Variants in SV2B observed in about 807,000 individuals in gnomAD.
SV2B encodes the protein synaptic vesicle glycoprotein 2B.
Under a neutral mutation model 73.9 loss-of-function variants are expected in SV2B, and 41 were observed. The observed-to-expected ratio is 0.56, with a 90% CI of 0.43 to 0.72. SV2B has a LOEUF of 0.72. Ranked by LOEUF, SV2B falls within the 30% of genes least tolerant of loss-of-function variation. The pLI, the probability that SV2B is intolerant of heterozygous loss-of-function variation, is 0.00. For missense variants in SV2B, 764 were observed against 857.8 expected (o/e 0.89, Z 1.37); for synonymous variants, 314 against 314.2 (o/e 1.00, Z 0.01).
At chr15:91,207,140 G>C (rs2045671932) in intron 1 of SV2B, among the ~76,000 whole-genome samples, 1 of 150,574 alleles carries the variant, frequency 6.6e-6, no homozygotes, top group Non-Finnish European at 1.5e-5. Context: ...TCCCTCCTCA[G>C]CCTCCCAAAT....
chr15:91,146,814 A>G (rs1596475196), intron 1 of SV2B, among the ~76,000 whole-genome samples: 1 of 152,364 alleles, frequency 6.6e-6, no homozygotes, highest in African/African-American at 2.4e-5. Context: ...AACCTGTCCA[A>G]TGACATTAGT....
At chr15:91,157,670 C>G (rs1157781802) in intron 1 of SV2B, among the ~76,000 whole-genome samples, 1 of 152,140 alleles carries the variant, frequency 6.6e-6, no homozygotes, top group Non-Finnish European at 1.5e-5. Context: ...AGAACTGAGG[C>G]ATAGGGAGGT....
At chr15:91,282,593 A>G (rs1361290539) in intron 10 of SV2B, among the ~76,000 whole-genome samples, 1 of 152,218 alleles carries the variant, frequency 6.6e-6, no homozygotes, top group Non-Finnish European at 1.5e-5. Flanking sequence ...AAGGAAATCA[A>G]GACTTAAGCA....
Position 91,105,704 on chromosome 15 carries a change from A to AT in SV2B, c.-392+5343dup, listed in dbSNP as rs1486743248. 1.3e-5 allele frequency among the ~76,000 whole-genome samples: 2 copies of AT among 152,228 alleles called. No individual in the cohort carries two copies. The highest frequency in any genetic ancestry group is 1.3e-4 in the Admixed American group (2 of 15,290). ...GGAGGATAAGGGTGGAAACAGGGAGATTAGTCAGGATGGTACTGCAGTGAC... is the reference window on the plus strand; with the variant it reads ...GGAGGATAAGGGTGGAAACAGGGAGATTTAGTCAGGATGGTACTGCAGTGAC... On this transcript the variant is annotated intron_variant, in intron 1 of 12. Coordinates refer to ENST00000394232, the MANE Select transcript of SV2B (RefSeq NM_001323032.3). The surrounding 1 kb of genome is among the most constrained non-coding windows in gnomAD (Gnocchi z 5.5).
At position 91,280,503 on chromosome 15, in the gene SV2B, TGAAA is replaced by T. The variant is rs1490974375; in HGVS notation, c.1374-1219_1374-1216del. 1.3e-5 allele frequency among the ~76,000 whole-genome samples: 2 copies of T among 152,238 alleles called. No individual in the cohort carries two copies. The highest frequency in any genetic ancestry group is 2.4e-5 in the African/African-American group (1 of 41,466). ...ATATGTAAGTGAATGAATAGAAGAA[TGAAA>T]GAAAGTGTTGTAATTATTTGCAAAT... is the stretch of plus-strand genomic sequence containing the variant. On this transcript the variant is annotated intron_variant, in intron 9 of 12. Transcript: ENST00000394232. This position sits in a 1 kb window ranked among gnomAD's most constrained non-coding sequence, Gnocchi z 5.8.
intron 1 of SV2B, among the ~76,000 whole-genome samples, chr15:91,134,995 C>T (rs542811192): frequency 1.5e-3 from 201 of 137,402 alleles, no homozygotes; most frequent in African/African-American, 5.0e-3. Context: ...ATTTCTCAAC[C>T]TTTTTTTTTT....
At chr15:91,237,626 T>A (rs565477576) in intron 2 of SV2B, among the ~76,000 whole-genome samples, 1 of 152,344 alleles carries the variant, frequency 6.6e-6, no homozygotes, top group South Asian at 2.1e-4. Flanking sequence ...AACCACGTAG[T>A]TTATACAAAG....
At chr15:91,279,019 G>GTATATA (rs2048596676) in intron 9 of SV2B, among the ~76,000 whole-genome samples, 1 of 152,166 alleles carries the variant, frequency 6.6e-6, no homozygotes, top group Admixed American at 6.5e-5. Flanking sequence ...CAATTGAAGA[G>GTATATA]TATATATGAC....
chr15:91,188,321 T>G lies in SV2B; in HGVS notation c.-391-37552T>G, dbSNP rs181655239. 3.5e-3 allele frequency among the ~76,000 whole-genome samples: 533 copies of G among 150,784 alleles called. 7 individuals are homozygous for G. The highest frequency in any genetic ancestry group is 0.012 in the African/African-American group (513 of 41,076). Reference sequence around the variant, plus strand: ...TTTATTTATTTATTTATTTATTTATTTATTTATTTTGAGACAGAGTCTTGC... The same window carrying G: ...TTTATTTATTTATTTATTTATTTATGTATTTATTTTGAGACAGAGTCTTGC... On this transcript the variant is annotated intron_variant, in intron 1 of 12. Transcript: ENST00000394232.
intron 1 of SV2B, among the ~76,000 whole-genome samples, chr15:91,142,588 G>A (rs908088962): frequency 3.3e-5 from 5 of 152,166 alleles, no homozygotes; most frequent in Admixed American, 2.0e-4. Context: ...ACAAACAGAA[G>A]GGGAAGGAAG....
At position 91,297,874 on chromosome 15, in the gene SV2B, G is replaced by A. The variant is rs1282869093; in HGVS notation, c.*5322G>A. 1 of 152,236 alleles carries A rather than the reference G, an allele frequency of 6.6e-6. No homozygotes were observed. Among genetic ancestry groups the A allele is most frequent in the African/African-American group, 2.4e-5 (1 of 41,446 alleles). 9.4% of individuals were successfully genotyped at this position (152,236 alleles called of 1,614,324 possible). On this transcript the variant is annotated 3_prime_UTR_variant, in exon 13 of 13. Transcript: ENST00000394232. The surrounding 1 kb of genome is among the most constrained non-coding windows in gnomAD (Gnocchi z 5.1). Reference sequence around the variant, plus strand: ...CCTGTGTCTGGTTGCAGGGCTTGAAGTATTTCGGAAGCTCAGCAGAGGTTG... The same window carrying A: ...CCTGTGTCTGGTTGCAGGGCTTGAAATATTTCGGAAGCTCAGCAGAGGTTG...
At position 91,278,678 on chromosome 15, in the gene SV2B, C is replaced by CAAAAAA. The variant is rs746732650; in HGVS notation, c.1374-3034_1374-3029dup. ...TGGGCGACAGAGCGAGACTCCGTCT[C>CAAAAAA]AAAAAAAAAAAAAAAAAAAAAGAAG... On this transcript the variant is annotated intron_variant, in intron 9 of 12. Coordinates refer to ENST00000394232, the MANE Select transcript of SV2B (RefSeq NM_001323032.3). Among the ~76,000 whole-genome samples, 203 of 42,360 alleles carry CAAAAAA rather than the reference C, an allele frequency of 4.8e-3. 16 individuals carry two copies. The highest frequency in any genetic ancestry group is 0.016 in the African/African-American group (129 of 7,824). 27.8% of individuals were successfully genotyped at this position (42,360 alleles called of 152,430 possible). A position where few individuals can be genotyped will look rare whatever the true frequency, so the allele number is the denominator to read the frequency against.
chr15:91,184,836 G>A (rs1046410883), intron 1 of SV2B, among the ~76,000 whole-genome samples: 2 of 152,122 alleles, frequency 1.3e-5, no homozygotes, highest in African/African-American at 2.4e-5. Flanking sequence ...ATGTCACCAT[G>A]TTGTCTTAAG....
At chr15:91,175,529 C>T (rs149188717) in intron 1 of SV2B, among the ~76,000 whole-genome samples, 22 of 152,248 alleles carry the variant, frequency 1.4e-4, no homozygotes, top group African/African-American at 5.1e-4. Flanking sequence ...GCTGGGATTA[C>T]AGGTGTAAGC....
intron 1 of SV2B, among the ~76,000 whole-genome samples, chr15:91,183,587 T>C (rs1172687835): frequency 6.6e-6 from 1 of 152,252 alleles, no homozygotes; most frequent in East Asian, 1.9e-4. Flanking sequence ...GGTTATTTTC[T>C]TGTTTATAAG....
chr15:91,246,657 T>C (rs2047238262), intron 2 of SV2B, among the ~76,000 whole-genome samples: 1 of 152,182 alleles, frequency 6.6e-6, no homozygotes, highest in Non-Finnish European at 1.5e-5. Context: ...ATTTCCTTTG[T>C]TGTGTTACCA....
chr15:91,267,012 GA>G lies in SV2B; in HGVS notation c.1119+322del. 1 of 214,200 alleles carries G rather than the reference GA, an allele frequency of 4.7e-6. No individual in the cohort carries two copies. The highest frequency in any genetic ancestry group is 1.0e-4 in the East Asian group (1 of 9,536). The allele number at this position is 214,200 out of a possible 1,614,324, so 13.3% of individuals were successfully genotyped here. A position where few individuals can be genotyped will look rare whatever the true frequency, so the allele number is the denominator to read the frequency against. ...CAAATTTTAAAATAATCACATGGAG[GA>G]AGAAGTGAGTAAAATAAATGACCCC... On this transcript the variant is annotated intron_variant, in intron 7 of 12. Transcript: ENST00000394232. This position sits in a 1 kb window ranked among gnomAD's most constrained non-coding sequence, Gnocchi z 4.3.
At chr15:91,154,591 A>G (rs959720733) in intron 1 of SV2B, among the ~76,000 whole-genome samples, 1 of 152,182 alleles carries the variant, frequency 6.6e-6, no homozygotes, top group Non-Finnish European at 1.5e-5. Context: ...TGCAGACGTA[A>G]CCAAGTTAAT....
At chr15:91,109,062 AG>A (rs1259733704) in intron 1 of SV2B, among the ~76,000 whole-genome samples, 7 of 152,216 alleles carry the variant, frequency 4.6e-5, no homozygotes, top group Non-Finnish European at 1.0e-4. Flanking sequence ...ATGACTGTCT[AG>A]CCCCTCAGAA....
Sources: gnomAD v4.1 joint callset for allele counts (sites outside exome capture counted in the v4.1 genomes callset) on GRCh38, gnomAD v4.1.1 for gene constraint, Gnocchi (gnomAD v3.1) non-coding constraint, MANE v1.5 for transcripts, NCBI Gene and HGNC (gene_info 2026-07-23, HGNC 2026-07-21) for gene names.